Variants in EVI5L observed in about 807,000 individuals in gnomAD.
EVI5L encodes the protein EVI5-like protein.
EVI5L carries 30 observed loss-of-function variants against 106.1 expected under a neutral mutation model. The ratio of observed to expected loss-of-function variants is 0.28; its 90% CI spans 0.21 to 0.38. EVI5L has a LOEUF of 0.38. Ranked by LOEUF, EVI5L falls within the 10% of genes least tolerant of loss-of-function variation. The pLI, the probability that EVI5L is intolerant of heterozygous loss-of-function variation, is 1.00. For missense variants in EVI5L, 809 were observed against 1,098.0 expected (o/e 0.74, Z 3.72); for synonymous variants, 489 against 483.3 (o/e 1.01, Z -0.15).
At chr19:7,831,485 T>C (rs925009545) in intron 1 of EVI5L, among the ~76,000 whole-genome samples, 4 of 151,924 alleles carry the variant, frequency 2.6e-5, no homozygotes, top group African/African-American at 9.7e-5. Flanking sequence ...GAAGCCAACT[T>C]GCCCCTCCAC....
At chr19:7,834,176 G>A (rs758933367) in intron 1 of EVI5L, among the ~76,000 whole-genome samples, 3 of 152,060 alleles carry the variant, frequency 2.0e-5, no homozygotes, top group Non-Finnish European at 4.4e-5. Flanking sequence ...GTGAAACCCC[G>A]TCTCTATTAA....
chr19:7,836,644 A>AT (rs573479214), intron 1 of EVI5L, among the ~76,000 whole-genome samples: 55 of 144,546 alleles, frequency 3.8e-4, no homozygotes, highest in African/African-American at 7.6e-4. Flanking sequence ...TATTTTTTTC[A>AT]TTTTTTTTTT....
At chr19:7,853,000 C>T (rs1979331685) in intron 8 of EVI5L, 86 bp from the exon 9 acceptor site, 4 of 1,359,688 alleles carry the variant, frequency 2.9e-6, no homozygotes, top group Non-Finnish European at 4.2e-6. Context: ...CCGTTCCTGC[C>T]CCCCTCCAGG....
chr19:7,833,438 T>C (rs1320867082), intron 1 of EVI5L, among the ~76,000 whole-genome samples: 1 of 152,232 alleles, frequency 6.6e-6, no homozygotes, highest in Non-Finnish European at 1.5e-5. Flanking sequence ...CACGCGCCCT[T>C]GCCATCCTGG....
rs1036472967 is a variant in EVI5L, at chr19:7,851,680, G to A, written c.898-1G>A. The A allele has an allele frequency of 6.3e-7, 1 of 1,582,568 alleles. No individual in the cohort carries two copies. Among genetic ancestry groups the A allele is most frequent in the Non-Finnish European group, 8.6e-7 (1 of 1,167,318 alleles). The stretch of plus-strand genomic sequence containing the variant: ...TCCCACTGCCTTTGCCGCCTTTGCA[G>A]GGGCTGGAGATCGTGTTCCGAGTGG... On this transcript the variant is annotated splice_acceptor_variant, in intron 7 of 19. Transcript: ENST00000538904. LOFTEE classifies it high-confidence loss of function.
In EVI5L at chr19:7,845,334, C is replaced by T. The variant is rs11879667; in HGVS notation, c.-47-1162C>T. Among the ~76,000 whole-genome samples, 917 of 152,170 alleles carry T rather than the reference C, an allele frequency of 6.0e-3. 9 individuals carry two copies. The highest frequency in any genetic ancestry group is 7.8e-3 in the Non-Finnish European group (532 of 67,960). ...AGCATGAAGGAACACCATCCCCAGC[C>T]GCTGCCTCCACTCCCATAGCCGTCC... On this transcript the variant is annotated intron_variant, in intron 1 of 19. Coordinates refer to ENST00000538904, the MANE Select transcript of EVI5L (RefSeq NM_001159944.3). The surrounding 1 kb of genome is among the most constrained non-coding windows in gnomAD (Gnocchi z 4.0).
intron 10 of EVI5L, chr19:7,853,607 C>G (rs1411355991): frequency 3.7e-5 from 20 of 544,364 alleles, no homozygotes; most frequent in Non-Finnish European, 6.3e-5. Context: ...CAATAAACCA[C>G]TGAACTAGAG....
chr19:7,849,940 G>A (rs1359283154), intron 5 of EVI5L, 57 bp from the exon 6 acceptor site: 33 of 1,461,576 alleles, frequency 2.3e-5, no homozygotes, highest in Middle Eastern at 2.3e-4. Context: ...GATGAGCAGC[G>A]AGATGCCCCT....
chr19:7,830,821 T>G, intron 1 of EVI5L, among the ~76,000 whole-genome samples: 1 of 121,482 alleles, frequency 8.2e-6, no homozygotes, highest in African/African-American at 3.2e-5. Flanking sequence ...TGGACAACAC[T>G]TGCCACCCCC....
chr19:7,842,284 G>A (rs1243167676), intron 1 of EVI5L, among the ~76,000 whole-genome samples: 1 of 149,994 alleles, frequency 6.7e-6, no homozygotes, highest in East Asian at 2.0e-4. Context: ...AATGTGCATG[G>A]GTATGTATCC....
intron 1 of EVI5L, among the ~76,000 whole-genome samples, chr19:7,844,184 C>G (rs1978842691): frequency 6.6e-6 from 1 of 151,720 alleles, no homozygotes; most frequent in Non-Finnish European, 1.5e-5. Context: ...AACCCCGTCT[C>G]TACTAAAAAT....
chr19:7,851,369 G>A, intron 6 of EVI5L, 65 bp from the exon 7 acceptor site: 1 of 1,561,204 alleles, frequency 6.4e-7, no homozygotes, highest in South Asian at 1.2e-5. Context: ...GGACACTGAG[G>A]CCCAGCACCC....
rs1335362487 is a variant in EVI5L, at chr19:7,850,379, G to C, written c.753+257G>C. ...CCACCACTGAAGGGGGGCTCCCAGGGCTGCTGAGGCAGAGGGGTGGGGCAG... is the reference window on the plus strand; with the variant it reads ...CCACCACTGAAGGGGGGCTCCCAGGCCTGCTGAGGCAGAGGGGTGGGGCAG... On this transcript the variant is annotated intron_variant, in intron 6 of 19. Transcript: ENST00000538904. This position sits in a 1 kb window ranked among gnomAD's most constrained non-coding sequence, Gnocchi z 5.4. Among the ~76,000 whole-genome samples, 1 of 152,216 alleles carries C rather than the reference G, an allele frequency of 6.6e-6. No individual in the cohort carries two copies. The highest frequency in any genetic ancestry group is 2.4e-5 in the African/African-American group (1 of 41,444).
chr19:7,852,920 C>T (rs754169298), intron 8 of EVI5L, 166 bp from the exon 9 acceptor site: 37 of 661,460 alleles, frequency 5.6e-5, no homozygotes, highest in Non-Finnish European at 7.6e-5. Context: ...TCCCCTCACG[C>T]TCAGTCTTTC....
intron 2 of EVI5L, among the ~76,000 whole-genome samples, chr19:7,847,459 C>T (rs1979005577): frequency 6.6e-6 from 1 of 151,962 alleles, no homozygotes. Context: ...TGGTGGCATG[C>T]ACCTGTAATC....
chr19:7,847,780 G>A lies in EVI5L; in HGVS notation c.186G>A (p.Arg62=), dbSNP rs1294608385. 1.9e-6 allele frequency: 3 copies of A among 1,613,220 alleles called. No individual in the cohort carries two copies. The highest frequency in any genetic ancestry group is 2.5e-6 in the Non-Finnish European group (3 of 1,179,852). ...SKSMRSMNGS[R]RNSGSSLVSS... ...CCATGCGCTCCATGAATGGCTCGCG[G>A]CGGAACAGTGGCTCCTCGCTAGTGT... Residue 62 remains arginine, a synonymous_variant, in exon 3 of 20, where the codon CGG becomes CGA. Coordinates refer to ENST00000538904, the MANE Select transcript of EVI5L (RefSeq NM_001159944.3).
rs928032208 is a variant in EVI5L, at chr19:7,835,351, T to C, written c.-48+4970T>C. The stretch of plus-strand genomic sequence containing the variant: ...AGTGAAACCCCGTCTCTACTAAAAA[T>C]ACAAAAATTAGCGAGGTATAATGGC... On this transcript the variant is annotated intron_variant, in intron 1 of 19. Transcript: ENST00000538904. This position sits in a 1 kb window ranked among gnomAD's most constrained non-coding sequence, Gnocchi z 4.1. Among the ~76,000 whole-genome samples the C allele has an allele frequency of 1.3e-5, 2 of 151,290 alleles. No homozygotes were observed. The highest frequency in any genetic ancestry group is 6.6e-5 in the Admixed American group (1 of 15,160).
intron 1 of EVI5L, 65 bp from the exon 2 acceptor site, chr19:7,846,431 G>A (rs1304712560): frequency 7.1e-7 from 1 of 1,412,740 alleles, no homozygotes; most frequent in East Asian, 2.4e-5. Context: ...AATGTCCCGA[G>A]GGTGGGCAGG....
intron 14 of EVI5L, 104 bp from the exon 15 acceptor site, chr19:7,861,774 C>A (rs980163019): frequency 4.1e-6 from 6 of 1,457,848 alleles, no homozygotes; most frequent in Non-Finnish European, 5.5e-6. Context: ...TCTGAGCCGC[C>A]CAAGGCAGAG....
Sources: allele counts gnomAD v4.1 joint callset (sites outside exome capture counted in the v4.1 genomes callset), GRCh38; gene constraint gnomAD v4.1.1; non-coding constraint Gnocchi (gnomAD v3.1); transcripts MANE v1.5; gene names NCBI Gene and HGNC (gene_info 2026-07-23, HGNC 2026-07-21).